The following GRM5 variants were observed in gnomAD, a reference collection of about 807,000 sequenced individuals.
GRM5 encodes the protein metabotropic glutamate receptor 5.
GRM5 carries 19 observed loss-of-function variants against 83.1 expected under a neutral mutation model. The ratio of observed to expected loss-of-function variants is 0.23; its 90% CI spans 0.16 to 0.34. The LOEUF (loss-of-function observed/expected upper bound fraction) is 0.34, where lower values mean the gene tolerates loss of function less well. Ranked by LOEUF, GRM5 falls within the 10% of genes least tolerant of loss-of-function variation. The pLI is 1.00. For synonymous variants in GRM5, 675 were observed against 633.6 expected (o/e 1.07, Z -0.98); for missense variants, 1,160 against 1,588.3 (o/e 0.73, Z 4.58).
chr11:88,778,994 C>A (rs562405249), intron 3 of GRM5, among the ~76,000 whole-genome samples: 2 of 152,118 alleles, frequency 1.3e-5, no homozygotes, highest in Non-Finnish European at 2.9e-5. Context: ...GCCATGTAGA[C>A]CAGTGCTGCA....
intron 2 of GRM5, among the ~76,000 whole-genome samples, chr11:88,874,259 A>C (rs1158582614): frequency 6.6e-6 from 1 of 151,962 alleles, no homozygotes; most frequent in Non-Finnish European, 1.5e-5. Flanking sequence ...TCAATGGAAC[A>C]GAATAGAGAA....
rs562488410 is a variant in GRM5, at chr11:88,671,381, C to T, written c.912-17978G>A. On this transcript the variant is annotated intron_variant, in intron 3 of 9. Transcript: ENST00000305447. Reference sequence around the variant, plus strand: ...AAGAGAAAGTGCTCCTGACCAGGATCGTCCAAGAGCACCTCTCAGGTTTTG... The same window carrying T: ...AAGAGAAAGTGCTCCTGACCAGGATTGTCCAAGAGCACCTCTCAGGTTTTG... Among the ~76,000 whole-genome samples the T allele has an allele frequency of 2.0e-5, 3 of 152,206 alleles. No individual in the cohort carries two copies. The East Asian group carries it at 5.8e-4, about 29-fold the overall frequency.
intron 3 of GRM5, among the ~76,000 whole-genome samples, chr11:88,708,541 C>T (rs2052105158): frequency 6.6e-6 from 1 of 152,006 alleles, no homozygotes. Flanking sequence ...AAAGTATTTT[C>T]CTTTTCTGAG....
At chr11:89,048,690 G>A (rs761982572) in intron 1 of GRM5, among the ~76,000 whole-genome samples, 1 of 152,140 alleles carries the variant, frequency 6.6e-6, no homozygotes, top group Non-Finnish European at 1.5e-5. Context: ...AACAAATGAA[G>A]AAAGGTGGGT....
chr11:89,052,703 G>C lies in GRM5; in HGVS notation c.-200-4631C>G, dbSNP rs191955858. Among the ~76,000 whole-genome samples, 252 of 152,220 alleles carry C rather than the reference G, an allele frequency of 1.7e-3. 3 individuals carry two copies. Among genetic ancestry groups the C allele is most frequent in the Middle Eastern group, 0.014 (4 of 294 alleles). On this transcript the variant is annotated intron_variant, in intron 1 of 9. Coordinates refer to ENST00000305447, the MANE Select transcript of GRM5 (RefSeq NM_001143831.3). ...CAGATACAGAATCTTTCAGATTTTG[G>C]AATAGTTACATTACACTTACTTACT...
chr11:88,543,794 T>C (rs117125185), intron 8 of GRM5, among the ~76,000 whole-genome samples: 10 of 152,074 alleles, frequency 6.6e-5, no homozygotes, highest in African/African-American at 2.4e-4. Context: ...AAGGATGGTA[T>C]TGTATTCATT....
intron 8 of GRM5, among the ~76,000 whole-genome samples, chr11:88,545,729 G>GT (rs1245054306): frequency 6.6e-6 from 1 of 151,976 alleles, no homozygotes; most frequent in Non-Finnish European, 1.5e-5. Context: ...CACCTATCCT[G>GT]TTGCAATGGA....
At chr11:88,864,436 G>T (rs762366880) in intron 2 of GRM5, among the ~76,000 whole-genome samples, 31 of 151,944 alleles carry the variant, frequency 2.0e-4, no homozygotes, top group Non-Finnish European at 4.1e-4. Context: ...TGTAGCAATT[G>T]TGAATGGGAG....
chr11:88,744,394 A>G (rs10501681), intron 3 of GRM5, among the ~76,000 whole-genome samples: 13,310 of 152,228 alleles, frequency 0.087, 679 homozygotes, highest in African/African-American at 0.15. Context: ...TTCAGCAGTC[A>G]TTGCATAATA....
At chr11:88,980,341 G>A (rs1337707388) in intron 2 of GRM5, among the ~76,000 whole-genome samples, 3 of 152,158 alleles carry the variant, frequency 2.0e-5, no homozygotes, top group Admixed American at 6.5e-5. Context: ...AATTAAGAGA[G>A]TCCTAAGTGA....
At chr11:88,719,359 C>A (rs1941479887) in intron 3 of GRM5, among the ~76,000 whole-genome samples, 1 of 151,976 alleles carries the variant, frequency 6.6e-6, no homozygotes, top group South Asian at 2.1e-4. Context: ...TAATGGCCTC[C>A]AGCTCCACCC....
At chr11:88,588,005 G>A (rs538803552) in intron 7 of GRM5, among the ~76,000 whole-genome samples, 4 of 152,218 alleles carry the variant, frequency 2.6e-5, no homozygotes, top group African/African-American at 9.6e-5. Flanking sequence ...GGGAAGAAAC[G>A]ATAATTACTT....
chr11:88,776,790 G>T (rs535210023), intron 3 of GRM5, among the ~76,000 whole-genome samples: 14 of 152,266 alleles, frequency 9.2e-5, no homozygotes, highest in African/African-American at 3.1e-4. Context: ...GGCTTGTAGG[G>T]TTTCTGCTGA....
At position 88,603,348 on chromosome 11, in the gene GRM5, A is replaced by G. The variant is rs184785318; in HGVS notation, c.1394+1370T>C. Among the ~76,000 whole-genome samples, 18 of 152,294 alleles carry G rather than the reference A, an allele frequency of 1.2e-4. No homozygotes were observed. The East Asian group carries it at 3.3e-3, about 28-fold the overall frequency. On this transcript the variant is annotated intron_variant, in intron 5 of 9. Coordinates refer to ENST00000305447, the MANE Select transcript of GRM5 (RefSeq NM_001143831.3). ...GCTACAGTCATCAGATTCTATCAGC[A>G]AGTCCTAAGCTGATGTCAGAACTCT...
At chr11:88,687,278 T>C (rs1442679237) in intron 3 of GRM5, among the ~76,000 whole-genome samples, 1 of 150,756 alleles carries the variant, frequency 6.6e-6, no homozygotes, top group African/African-American at 2.4e-5. Flanking sequence ...ACAGAGACCA[T>C]CCTGGTTAAC....
intron 2 of GRM5, among the ~76,000 whole-genome samples, chr11:88,867,136 G>A (rs1462506288): frequency 1.3e-5 from 2 of 151,600 alleles, no homozygotes; most frequent in Non-Finnish European, 3.0e-5. Context: ...AAGTCAGGTG[G>A]CGTGATGCCT....
chr11:88,788,587 T>C (rs1232899866), intron 3 of GRM5, among the ~76,000 whole-genome samples: 3 of 152,124 alleles, frequency 2.0e-5, no homozygotes, highest in South Asian at 2.1e-4. Flanking sequence ...AACAGAAACA[T>C]AGTCCAACTT....
intron 4 of GRM5, among the ~76,000 whole-genome samples, chr11:88,633,044 AAAG>A (rs1565163040): frequency 6.6e-6 from 1 of 152,214 alleles, no homozygotes; most frequent in Non-Finnish European, 1.5e-5. Flanking sequence ...TCATTTTATC[AAAG>A]AAGATGTATG....
intron 1 of GRM5, among the ~76,000 whole-genome samples, chr11:89,062,467 A>G (rs1206511944): frequency 6.6e-6 from 1 of 152,156 alleles, no homozygotes; most frequent in Non-Finnish European, 1.5e-5. Context: ...GTCCTGAGAA[A>G]CTCTGAACAA....
Sources: allele counts gnomAD v4.1 joint callset (sites outside exome capture counted in the v4.1 genomes callset), GRCh38; gene constraint gnomAD v4.1.1; transcripts MANE v1.5; gene names NCBI Gene and HGNC (gene_info 2026-07-23, HGNC 2026-07-21).